SYCP1: variants seen among roughly 807,000 people sequenced by gnomAD.
SYCP1 encodes synaptonemal complex protein 1, also known as cancer/testis antigen 8.
A neutral mutation model predicts 153.1 loss-of-function variants in SYCP1; 64 were observed. The ratio of observed to expected loss-of-function variants is 0.42; its 90% confidence interval spans 0.34 to 0.51. SYCP1 has a LOEUF of 0.51. Among genes scored for constraint, SYCP1 ranks in the 20% least tolerant of loss-of-function variants. The pLI, the probability that SYCP1 is intolerant of heterozygous loss-of-function variation, is 0.06. For missense variants in SYCP1, 997 were observed against 1,049.0 expected, an observed-to-expected ratio of 0.95 and a Z score of 0.68; for synonymous variants, 384 against 341.8, an observed-to-expected ratio of 1.12 and a Z score of -1.36.
intron 30 of SYCP1, among the ~76,000 whole-genome samples, chr1:114,991,411 A>G (rs1240341876): frequency 6.6e-6 from 1 of 151,930 alleles, no homozygotes; most frequent in Non-Finnish European, 1.5e-5. Context: ...TACTCAACAG[A>G]ATATTGGCGA....
At chr1:114,974,132 GA>G (rs1433304797) in intron 27 of SYCP1, among the ~76,000 whole-genome samples, 1 of 151,662 alleles carries the variant, frequency 6.6e-6, no homozygotes, top group Non-Finnish European at 1.5e-5. Context: ...TGTAATCCAA[GA>G]GTCTTTTTTT....
At chr1:114,953,216 C>T (rs1419500001) in intron 27 of SYCP1, among the ~76,000 whole-genome samples, 1 of 152,234 alleles carries the variant, frequency 6.6e-6, no homozygotes, top group Non-Finnish European at 1.5e-5. Flanking sequence ...TACAAACATT[C>T]AAACCATAGC....
In SYCP1 at chr1:114,886,137, G is replaced by C. The variant is rs781245987; in HGVS notation, c.1018G>C (p.Ala340Pro). 4.4e-6 allele frequency: 7 copies of C among 1,597,830 alleles called. No homozygotes were observed. The highest frequency in any genetic ancestry group is 5.1e-6 in the Non-Finnish European group (6 of 1,174,114). Residue 340 changes from alanine (A) to proline (P), a missense_variant, in exon 14 of 32, where the codon GCT (alanine) becomes CCT (proline). By Grantham distance (27) the Ala-to-Pro change is conservative (BLOSUM62 -1). Transcript: ENST00000369522. Reference sequence around the variant, plus strand: ...TTATTTCATTTAGAGTACTCAAAAGGCTTTAGAGGAAGATTTACAGATAGC... The same window carrying C: ...TTATTTCATTTAGAGTACTCAAAAGCCTTTAGAGGAAGATTTACAGATAGC... ...SLQRSVSTQK[A>P]LEEDLQIATK...
At chr1:114,874,064 C>A (rs1238967198) in intron 8 of SYCP1, among the ~76,000 whole-genome samples, 3 of 152,182 alleles carry the variant, frequency 2.0e-5, no homozygotes, top group African/African-American at 4.8e-5. Context: ...TTTGTTTACA[C>A]TGAATTTCCA....
intron 27 of SYCP1, among the ~76,000 whole-genome samples, chr1:114,950,816 T>TAC (rs1252087384): frequency 6.8e-6 from 1 of 147,972 alleles, no homozygotes; most frequent in Non-Finnish European, 1.5e-5. Flanking sequence ...TATGTTAAAT[T>TAC]ACACTCTTTT....
intron 23 of SYCP1, among the ~76,000 whole-genome samples, chr1:114,935,527 G>T (rs1438102946): frequency 6.6e-6 from 1 of 152,100 alleles, no homozygotes; most frequent in African/African-American, 2.4e-5. Context: ...ACATTCAAAA[G>T]CTAGCAGAAG....
chr1:114,959,790 G>A (rs1450669422), intron 27 of SYCP1, among the ~76,000 whole-genome samples: 2 of 151,490 alleles, frequency 1.3e-5, no homozygotes, highest in Non-Finnish European at 2.9e-5. Flanking sequence ...ATCTCCATGA[G>A]TTCAATGGCT....
chr1:114,890,181 A>G (rs1405404613), intron 15 of SYCP1, among the ~76,000 whole-genome samples: 1 of 152,030 alleles, frequency 6.6e-6, no homozygotes, highest in African/African-American at 2.4e-5. Context: ...TCCTTTTGAG[A>G]AATCTCTGAT....
chr1:114,987,405 G>A (rs997947404), intron 30 of SYCP1, among the ~76,000 whole-genome samples: 5 of 151,972 alleles, frequency 3.3e-5, no homozygotes, highest in African/African-American at 4.8e-5. Context: ...AATAGCTCAC[G>A]CCTGTAATTT....
chr1:114,925,280 C>T (rs554986038), intron 21 of SYCP1, among the ~76,000 whole-genome samples: 2 of 152,018 alleles, frequency 1.3e-5, no homozygotes, highest in African/African-American at 4.8e-5. Flanking sequence ...GATCATTAAG[C>T]CTGTTGTTTG....
chr1:114,975,292 T>C (rs1160371969), intron 27 of SYCP1, among the ~76,000 whole-genome samples: 1 of 151,198 alleles, frequency 6.6e-6, no homozygotes, highest in East Asian at 1.9e-4. Context: ...TATTTTTCAC[T>C]ACATATTCAC....
chr1:114,869,725 TC>T (rs1371305447), intron 8 of SYCP1, among the ~76,000 whole-genome samples: 1 of 152,274 alleles, frequency 6.6e-6, no homozygotes, highest in African/African-American at 2.4e-5. Context: ...ATGCAAATAT[TC>T]CAAAATCTAA....
intron 30 of SYCP1, among the ~76,000 whole-genome samples, chr1:114,990,761 T>C (rs1387113413): frequency 6.6e-6 from 1 of 151,876 alleles, no homozygotes; most frequent in Non-Finnish European, 1.5e-5. Context: ...CAAAAAGAAA[T>C]AGAAAACCTC....
chr1:114,974,187 T>G (rs758875602), intron 27 of SYCP1, among the ~76,000 whole-genome samples: 1 of 151,910 alleles, frequency 6.6e-6, no homozygotes, highest in Admixed American at 6.6e-5. Flanking sequence ...TGATATGATA[T>G]GTATCAGTTT....
rs147304621 is a variant in SYCP1 at position 114,890,518 on chromosome 1, G to A, written c.1258+2825G>A. ...GGTATGTTAATACTGATACCAAGAGGAAGCCTAAGATAGCAATGTGTACTG... is the reference window on the plus strand; with the variant it reads ...GGTATGTTAATACTGATACCAAGAGAAAGCCTAAGATAGCAATGTGTACTG... On this transcript the variant is annotated intron_variant, in intron 15 of 31. Transcript: ENST00000369522. Among the ~76,000 whole-genome samples, 8 of 152,136 alleles carry A rather than the reference G, an allele frequency of 5.3e-5. No homozygotes were observed. The East Asian group carries it at 1.4e-3, about 26-fold the overall frequency.
intron 23 of SYCP1, among the ~76,000 whole-genome samples, chr1:114,944,030 T>C (rs1670539900): frequency 3.3e-5 from 5 of 151,836 alleles, no homozygotes; most frequent in African/African-American, 1.2e-4. Context: ...GAAATACTTA[T>C]TCTAATAAAG....
intron 8 of SYCP1, among the ~76,000 whole-genome samples, chr1:114,872,905 T>A (rs893818049): frequency 6.6e-6 from 1 of 152,176 alleles, no homozygotes; most frequent in Admixed American, 6.5e-5. Flanking sequence ...TCATCTTGCC[T>A]GAGCCTTCTG....
rs893403319 is a variant in SYCP1, at chr1:114,951,890, A to G, written c.2322+4570A>G. Among the ~76,000 whole-genome samples, 4 of 152,054 alleles carry G rather than the reference A, an allele frequency of 2.6e-5. 1 individual carries two copies. The highest frequency in any genetic ancestry group is 5.9e-5 in the Non-Finnish European group (4 of 68,020). On this transcript the variant is annotated intron_variant, in intron 27 of 31. Transcript: ENST00000369522. ...GAATGTTATCTAGATGGATTCATAC[A>G]CTATGTAACCTTTGTTACAGCTTTG...
chr1:114,942,613 T>G (rs532199964), intron 23 of SYCP1, among the ~76,000 whole-genome samples: 5 of 152,044 alleles, frequency 3.3e-5, no homozygotes, highest in Middle Eastern at 3.4e-3. Context: ...TATGTAGTGC[T>G]AGAACATTTG....
Sources: allele counts gnomAD v4.1 joint callset (sites outside exome capture counted in the v4.1 genomes callset), GRCh38; gene constraint gnomAD v4.1.1; transcripts MANE v1.5; gene names NCBI Gene and HGNC (gene_info 2026-07-23, HGNC 2026-07-21).